The following LRCH1 variants were observed in gnomAD, a reference collection of about 807,000 sequenced individuals.
The protein encoded by LRCH1 is leucine rich repeats and calponin homology domain containing 1.
LRCH1 carries 23 observed loss-of-function variants against 94.9 expected under a neutral mutation model. That is an observed-to-expected ratio of 0.24 (90% CI 0.17 to 0.34). The LOEUF (loss-of-function observed/expected upper bound fraction) is 0.34, where lower values mean the gene tolerates loss of function less well. Ranked by LOEUF, LRCH1 falls within the 10% of genes least tolerant of loss-of-function variation. LRCH1 has a pLI of 1.00. For missense variants in LRCH1, 790 were observed against 945.9 expected, an observed-to-expected ratio of 0.84 and a Z score of 2.16; for synonymous variants, 364 against 354.9, an observed-to-expected ratio of 1.03 and a Z score of -0.29.
chr13:46,600,699 T>A (rs1446707913), intron 1 of LRCH1, among the ~76,000 whole-genome samples: 2 of 150,402 alleles, frequency 1.3e-5, no homozygotes, highest in African/African-American at 4.9e-5. Flanking sequence ...TTACAGTTAC[T>A]GCTAAGGATA....
intron 2 of LRCH1, among the ~76,000 whole-genome samples, chr13:46,667,981 T>C (rs888769895): frequency 2.6e-5 from 4 of 152,244 alleles, no homozygotes; most frequent in Admixed American, 2.0e-4. Context: ...TCTGAAACTT[T>C]ATGCATGTGT....
At chr13:46,644,239 A>G (rs899118477) in intron 1 of LRCH1, among the ~76,000 whole-genome samples, 9 of 152,214 alleles carry the variant, frequency 5.9e-5, no homozygotes, top group African/African-American at 1.7e-4. Context: ...GCATGCTTGA[A>G]TTGGTCAATG....
intron 2 of LRCH1, among the ~76,000 whole-genome samples, chr13:46,661,474 T>C (rs2051447133): frequency 6.6e-6 from 1 of 152,208 alleles, no homozygotes; most frequent in Admixed American, 6.5e-5. Flanking sequence ...GAAATATGGG[T>C]TAAGAAGCAA....
intron 1 of LRCH1, among the ~76,000 whole-genome samples, chr13:46,649,227 A>G (rs2051261174): frequency 6.6e-6 from 1 of 152,140 alleles, no homozygotes; most frequent in African/African-American, 2.4e-5. Context: ...TCTTAAGTAT[A>G]TGTTACATAT....
chr13:46,743,455 TA>T lies in LRCH1; in HGVS notation c.*1608del, dbSNP rs1873766109. ...AGTTATCTAATTAACCTCAGTTGTA[TA>T]TGAATAACCCACAGATGTACTGAAT... On this transcript the variant is annotated 3_prime_UTR_variant, in exon 20 of 20. Transcript: ENST00000389797. 14 of 985,772 alleles carry T rather than the reference TA, an allele frequency of 1.4e-5. No individual in the cohort carries two copies. Among genetic ancestry groups the T allele is most frequent in the Non-Finnish European group, 1.7e-5 (14 of 829,940 alleles). 61.1% of individuals were successfully genotyped at this position (985,772 alleles called of 1,614,324 possible).
intron 1 of LRCH1, among the ~76,000 whole-genome samples, chr13:46,591,882 A>G (rs956084277): frequency 6.6e-5 from 10 of 152,246 alleles, no homozygotes; most frequent in African/African-American, 2.2e-4. Context: ...GAGCTCATTT[A>G]TCGATTTGCA....
chr13:46,728,835 T>C lies in LRCH1; in HGVS notation c.1870-12T>C. On this transcript the variant is annotated splice_polypyrimidine_tract_variant and intron_variant, in intron 17 of 19. Transcript: ENST00000389797. ...TTCATATTAACTGGCTTCCTTCTGA[T>C]TTCCCCAACAGAGCATTGAGATGAG... The C allele has an allele frequency of 6.3e-7, 1 of 1,587,760 alleles. No individual in the cohort carries two copies. Among genetic ancestry groups the C allele is most frequent in the East Asian group, 2.3e-5 (1 of 44,156 alleles).
chr13:46,721,323 G>A (rs757882691), intron 16 of LRCH1, among the ~76,000 whole-genome samples: 3 of 152,180 alleles, frequency 2.0e-5, no homozygotes, highest in Non-Finnish European at 4.4e-5. Context: ...GTGTTTAAAC[G>A]GTGTTGAGGC....
intron 1 of LRCH1, among the ~76,000 whole-genome samples, chr13:46,579,322 C>A (rs2050339197): frequency 6.6e-6 from 1 of 152,130 alleles, no homozygotes; most frequent in South Asian, 2.1e-4. Context: ...TCCAACTCTT[C>A]AGAGAGATAT....
chr13:46,694,903 T>G lies in LRCH1; in HGVS notation c.1131T>G (p.His377Gln). 6.2e-7 allele frequency: 1 copy of G among 1,614,170 alleles called. No homozygotes were observed. The highest frequency in any genetic ancestry group is 8.5e-7 in the Non-Finnish European group (1 of 1,179,996). Residue 377 changes from histidine to glutamine, a missense_variant, in exon 9 of 20, where the codon CAT becomes CAG. By Grantham distance (24) the His-to-Gln change is conservative. Around this residue, in one of 3 missense-constraint regions of LRCH1, gnomAD observed 460 missense variants for 508.9 expected, o/e 0.90. Coordinates refer to ENST00000389797, the MANE Select transcript of LRCH1 (RefSeq NM_001164211.2). ...ATATTTTCCTAATAGGGGAATTTCA[T>G]CAGGAATTTCAACCGGAGCCTTCCC... Reference protein sequence around the residue: ...HRLSPVKGEFHQEFQPEPSLL... With the variant: ...HRLSPVKGEFQQEFQPEPSLL...
At chr13:46,594,831 T>G (rs1356076973) in intron 1 of LRCH1, among the ~76,000 whole-genome samples, 6 of 152,214 alleles carry the variant, frequency 3.9e-5, no homozygotes, top group Admixed American at 2.0e-4. Context: ...ATGTGTGTGT[T>G]TTTTTAATTT....
intron 1 of LRCH1, among the ~76,000 whole-genome samples, chr13:46,586,538 T>C (rs2050437300): frequency 6.6e-6 from 1 of 152,082 alleles, no homozygotes; most frequent in African/African-American, 2.4e-5. Flanking sequence ...CACCTCAGCC[T>C]CCCGAATAGC....
chr13:46,572,870 T>C (rs1566150118), intron 1 of LRCH1, among the ~76,000 whole-genome samples: 1 of 152,148 alleles, frequency 6.6e-6, no homozygotes, highest in Non-Finnish European at 1.5e-5. Context: ...TGTTACTGTA[T>C]GTGACAAGGA....
intron 3 of LRCH1, chr13:46,679,686 G>C (rs2051724750): frequency 1.3e-5 from 2 of 152,294 alleles, no homozygotes; most frequent in Admixed American, 1.3e-4. Flanking sequence ...TGATGCTGCT[G>C]AACACCCGGT....
chr13:46,613,651 A>G (rs543236014), intron 1 of LRCH1, among the ~76,000 whole-genome samples: 2 of 152,282 alleles, frequency 1.3e-5, no homozygotes, highest in African/African-American at 2.4e-5. Context: ...CCTGGGCTCT[A>G]CTCACAGAGA....
At chr13:46,561,234 C>T (rs918842486) in intron 1 of LRCH1, among the ~76,000 whole-genome samples, 9 of 152,156 alleles carry the variant, frequency 5.9e-5, no homozygotes, top group African/African-American at 2.2e-4. Context: ...AAATTCTTAC[C>T]GAACATTTTT....
At chr13:46,554,108 C>T (rs1422722078) in intron 1 of LRCH1, among the ~76,000 whole-genome samples, 1 of 152,246 alleles carries the variant, frequency 6.6e-6, no homozygotes. Context: ...CTGGGAACTC[C>T]AGCGCGGACA....
chr13:46,629,312 T>G (rs2050990808), intron 1 of LRCH1, among the ~76,000 whole-genome samples: 1 of 150,972 alleles, frequency 6.6e-6, no homozygotes, highest in Non-Finnish European at 1.5e-5. Context: ...TTCTGTTTTT[T>G]ATTTTTAAAT....
Position 46,744,656 on chromosome 13 carries a change from GA to G in LRCH1, c.*2809del. 1 of 985,422 alleles carries G rather than the reference GA, an allele frequency of 1.0e-6. No individual in the cohort carries two copies. The allele number at this position is 985,422 out of a possible 1,614,324, so 61.0% of individuals were successfully genotyped here. A position where few individuals can be genotyped will look rare whatever the true frequency, so the allele number is the denominator to read the frequency against. ...TAAGAAATTAAAACTAGCGCGTGGT[GA>G]GCTGGGTTATCTCTCGAAAACTCAT... On this transcript the variant is annotated 3_prime_UTR_variant, in exon 20 of 20. Coordinates refer to ENST00000389797, the MANE Select transcript of LRCH1 (RefSeq NM_001164211.2).
Sources: allele counts gnomAD v4.1 joint callset (sites outside exome capture counted in the v4.1 genomes callset), GRCh38; gene constraint gnomAD v4.1.1; regional missense constraint gnomAD v4.1.1; transcripts MANE v1.5; gene names NCBI Gene and HGNC (gene_info 2026-07-23, HGNC 2026-07-21).